Variants in SLC16A7 observed in about 807,000 individuals in gnomAD.
SLC16A7 encodes monocarboxylate transporter 2.
In SLC16A7, 33 loss-of-function variants were observed where a neutral mutation model predicts 34.9. The ratio of observed to expected loss-of-function variants is 0.94; its 90% CI spans 0.72 to 1.26. SLC16A7 has a LOEUF of 1.26. Among genes scored for constraint, SLC16A7 ranks in the 50% most tolerant of loss-of-function variants. The probability of loss-of-function intolerance (pLI) is 0.00; values close to 1 mark genes in which losing one functional copy is unlikely to be tolerated. For synonymous variants in SLC16A7, 201 were observed against 206.6 expected, an observed-to-expected ratio of 0.97 and a Z score of 0.23; for missense variants, 573 against 578.1, an observed-to-expected ratio of 0.99 and a Z score of 0.09.
intron 2 of SLC16A7, among the ~76,000 whole-genome samples, chr12:59,677,257 G>C (rs747086095): frequency 6.6e-6 from 1 of 151,882 alleles, no homozygotes; most frequent in East Asian, 1.9e-4. Flanking sequence ...GTAGGCCAGA[G>C]GCATATTGGA....
At chr12:59,736,171 G>T (rs983983847) in intron 3 of SLC16A7, among the ~76,000 whole-genome samples, 9 of 152,330 alleles carry the variant, frequency 5.9e-5, no homozygotes, top group South Asian at 4.1e-4. Flanking sequence ...ACATGGCTGA[G>T]TTTGAGCTGG....
chr12:59,632,534 A>G (rs149887368), intron 1 of SLC16A7, among the ~76,000 whole-genome samples: 1 of 152,042 alleles, frequency 6.6e-6, no homozygotes, highest in African/African-American at 2.4e-5. Flanking sequence ...CATAAATTTT[A>G]ATCCTGTACT....
chr12:59,628,608 T>C (rs1880035587), intron 1 of SLC16A7, among the ~76,000 whole-genome samples: 3 of 151,776 alleles, frequency 2.0e-5, no homozygotes. Flanking sequence ...TCCCCTGCTA[T>C]GTGGTGAGGG....
At chr12:59,733,144 T>C (rs1592598063) in intron 3 of SLC16A7, among the ~76,000 whole-genome samples, 1 of 152,244 alleles carries the variant, frequency 6.6e-6, no homozygotes, top group East Asian at 1.9e-4. Context: ...TCCTTAGGGG[T>C]ATCGCTTCAC....
At chr12:59,745,656 G>A (rs1472443255) in intron 3 of SLC16A7, among the ~76,000 whole-genome samples, 3 of 152,102 alleles carry the variant, frequency 2.0e-5, no homozygotes, top group Non-Finnish European at 4.4e-5. Flanking sequence ...TATGATACAC[G>A]CACACATAAA....
intron 1 of SLC16A7, among the ~76,000 whole-genome samples, chr12:59,647,234 T>C (rs1448535107): frequency 1.3e-5 from 2 of 152,140 alleles, no homozygotes; most frequent in Non-Finnish European, 2.9e-5. Flanking sequence ...CCTTGAATTG[T>C]AGTTCCCATA....
intron 1 of SLC16A7, among the ~76,000 whole-genome samples, chr12:59,639,763 C>G (rs952678953): frequency 6.6e-6 from 1 of 152,152 alleles, no homozygotes; most frequent in African/African-American, 2.4e-5. Flanking sequence ...CAACCATTCT[C>G]CAATTTTGTC....
chr12:59,707,573 A>G (rs1196911664), intron 3 of SLC16A7, among the ~76,000 whole-genome samples: 1 of 152,108 alleles, frequency 6.6e-6, no homozygotes, highest in Non-Finnish European at 1.5e-5. Context: ...TCTGAAATTC[A>G]TGAAGAAAAT....
chr12:59,775,230 G>T lies in SLC16A7; in HGVS notation c.935G>T (p.Arg312Leu), dbSNP rs752116486. 3 of 1,614,064 alleles carry T rather than the reference G, an allele frequency of 1.9e-6. No individual in the cohort carries two copies. Among genetic ancestry groups the T allele is most frequent in the Non-Finnish European group, 2.5e-6 (3 of 1,179,984 alleles). ...LIANSKYIRP[R>L]IQYFFSFAIM... The stretch of plus-strand genomic sequence containing the variant: ...GCAAACTCCAAATATATTCGACCTC[G>T]AATTCAGTACTTCTTCAGTTTTGCA... Residue 312 changes from arginine to leucine, a missense_variant, in exon 5 of 6, where the codon CGA becomes CTA. Transcript: ENST00000547379.
At position 59,789,835 on chromosome 12, in the gene SLC16A7, T is replaced by C. The variant is rs1311553857; in HGVS notation, c.*10156T>C. 6.6e-6 allele frequency: 1 copy of C among 152,106 alleles called. No homozygotes were observed. The highest frequency in any genetic ancestry group is 1.9e-4 in the East Asian group (1 of 5,202). The allele number at this position is 152,106 out of a possible 1,614,324, so 9.4% of individuals were successfully genotyped here. A position where few individuals can be genotyped will look rare whatever the true frequency, so the allele number is the denominator to read the frequency against. On this transcript the variant is annotated 3_prime_UTR_variant, in exon 6 of 6. Transcript: ENST00000547379. ...ATTAAAATTAAAATAAAAAAATTCA[T>C]GTTAAATTTTTGAAATGAAATCTAT... is the stretch of plus-strand genomic sequence containing the variant.
chr12:59,741,452 A>G (rs1565686890), intron 3 of SLC16A7, among the ~76,000 whole-genome samples: 1 of 152,162 alleles, frequency 6.6e-6, no homozygotes, highest in Non-Finnish European at 1.5e-5. Context: ...CTTAGGAATA[A>G]CAGGCTTCCT....
intron 3 of SLC16A7, among the ~76,000 whole-genome samples, chr12:59,708,019 AT>A (rs1304433961): frequency 6.6e-6 from 1 of 152,158 alleles, no homozygotes; most frequent in African/African-American, 2.4e-5. Flanking sequence ...AATAACATCT[AT>A]GTCTTATCCT....
At chr12:59,726,984 A>T (rs1313874477) in intron 3 of SLC16A7, among the ~76,000 whole-genome samples, 5 of 151,992 alleles carry the variant, frequency 3.3e-5, no homozygotes, top group Admixed American at 6.6e-5. Flanking sequence ...TAGTAATTAT[A>T]CTAAATTCAT....
intron 2 of SLC16A7, among the ~76,000 whole-genome samples, chr12:59,664,302 G>A (rs1172666492): frequency 1.3e-5 from 2 of 152,102 alleles, no homozygotes; most frequent in South Asian, 2.1e-4. Flanking sequence ...CTTCTAAAAC[G>A]AAGATGGTAC....
At chr12:59,763,046 C>T (rs1881183036) in intron 3 of SLC16A7, among the ~76,000 whole-genome samples, 1 of 151,848 alleles carries the variant, frequency 6.6e-6, no homozygotes. Context: ...TTTCTGGGAT[C>T]ATAAGACTAC....
chr12:59,735,367 C>G (rs1230320121), intron 3 of SLC16A7, among the ~76,000 whole-genome samples: 2 of 152,082 alleles, frequency 1.3e-5, no homozygotes, highest in Non-Finnish European at 2.9e-5. Flanking sequence ...AAAGGTGGTT[C>G]CAGTAATGCC....
At chr12:59,697,335 G>A (rs1872416507) in intron 2 of SLC16A7, among the ~76,000 whole-genome samples, 1 of 151,962 alleles carries the variant, frequency 6.6e-6, no homozygotes, top group African/African-American at 2.4e-5. Flanking sequence ...AATATGTCTG[G>A]GGATATGATT....
chr12:59,637,615 C>T (rs545876966), intron 1 of SLC16A7, among the ~76,000 whole-genome samples: 1 of 152,148 alleles, frequency 6.6e-6, no homozygotes, highest in East Asian at 1.9e-4. Context: ...TTTATTTAAT[C>T]AAAGTTTTAT....
intron 3 of SLC16A7, among the ~76,000 whole-genome samples, chr12:59,728,262 A>C (rs1876522451): frequency 6.6e-6 from 1 of 152,108 alleles, no homozygotes; most frequent in African/African-American, 2.4e-5. Flanking sequence ...GAGCATGGGC[A>C]CTCACTCACT....
Sources: gnomAD v4.1 joint callset for allele counts (sites outside exome capture counted in the v4.1 genomes callset) on GRCh38, gnomAD v4.1.1 for gene constraint, MANE v1.5 for transcripts, NCBI Gene and HGNC (gene_info 2026-07-23, HGNC 2026-07-21) for gene names.